The following EPB41L1 variants were observed in gnomAD, a reference collection of about 807,000 sequenced individuals.
The protein encoded by EPB41L1 is band 4.1-like protein 1.
Under a neutral mutation model 97.8 loss-of-function variants are expected in EPB41L1, and 29 were observed. The ratio of observed to expected loss-of-function variants is 0.30; its 90% confidence interval spans 0.22 to 0.40. The LOEUF is 0.40. EPB41L1 is among the 10% of genes least tolerant of loss of function. The pLI, the probability that EPB41L1 is intolerant of heterozygous loss-of-function variation, is 1.00. For missense variants in EPB41L1, 812 were observed against 1,162.3 expected (o/e 0.70, Z 4.38); for synonymous variants, 383 against 459.2 (o/e 0.83, Z 2.12).
intron 1 of EPB41L1, 93 bp from the exon 2 acceptor site, chr20:36,173,671 C>A: frequency 8.6e-7 from 1 of 1,161,120 alleles, no homozygotes; most frequent in Non-Finnish European, 1.3e-6. Flanking sequence ...CGTTTGCCTC[C>A]ATCTGTCTCT....
chr20:36,102,534 A>C (rs904907583), intron 1 of EPB41L1, among the ~76,000 whole-genome samples: 12 of 152,072 alleles, frequency 7.9e-5, no homozygotes, highest in Non-Finnish European at 1.8e-4. Context: ...CAGTTTTCCT[A>C]GCTGTAAAAT....
intron 14 of EPB41L1, chr20:36,205,791 C>A: frequency 1.6e-6 from 2 of 1,237,242 alleles, no homozygotes; most frequent in Non-Finnish European, 2.1e-6. Flanking sequence ...AAAAACTCAC[C>A]CATTCTTCAG....
intron 2 of EPB41L1, among the ~76,000 whole-genome samples, chr20:36,118,631 C>A (rs912673518): frequency 6.6e-6 from 1 of 152,064 alleles, no homozygotes; most frequent in Non-Finnish European, 1.5e-5. Flanking sequence ...TAAAGTGGTA[C>A]ATTTTATGGC....
At chr20:36,094,024 C>T (rs2057753080) in intron 1 of EPB41L1, among the ~76,000 whole-genome samples, 1 of 152,198 alleles carries the variant, frequency 6.6e-6, no homozygotes, top group South Asian at 2.1e-4. Flanking sequence ...GACCTCTCTA[C>T]TTTGAAAGAG....
At chr20:36,145,807 C>A (rs1340050814) in intron 2 of EPB41L1, among the ~76,000 whole-genome samples, 1 of 152,160 alleles carries the variant, frequency 6.6e-6, no homozygotes, top group East Asian at 1.9e-4. Flanking sequence ...CACATTTGGC[C>A]AGTTGCTAGA....
chr20:36,106,722 C>T (rs1033240561), intron 1 of EPB41L1, among the ~76,000 whole-genome samples: 3 of 152,344 alleles, frequency 2.0e-5, no homozygotes, highest in Non-Finnish European at 4.4e-5. Context: ...AGGTCATCAG[C>T]CCAGGCCCTC....
At position 36,197,804 on chromosome 20, in the gene EPB41L1, C is replaced by T. The variant is rs2062283332; in HGVS notation, c.1486-55C>T. The T allele has an allele frequency of 1.9e-6, 3 of 1,613,506 alleles. No homozygotes were observed. In the South Asian group the frequency reaches 3.3e-5, roughly 18 times the overall value. On this transcript the variant is annotated intron_variant, in intron 13 of 21. Transcript: ENST00000338074. Reference sequence around the variant, plus strand: ...CTGCTGCCATCATCCCTGCACCCTGCATCCCCGCTTGGAGCTGTTCCCCTA... The same window carrying T: ...CTGCTGCCATCATCCCTGCACCCTGTATCCCCGCTTGGAGCTGTTCCCCTA...
intron 2 of EPB41L1, among the ~76,000 whole-genome samples, chr20:36,114,587 C>CA (rs2147620533): frequency 6.6e-6 from 1 of 152,236 alleles, no homozygotes; most frequent in Non-Finnish European, 1.5e-5. Context: ...AAACTTAACT[C>CA]AAAGTGGCTT....
intron 3 of EPB41L1, among the ~76,000 whole-genome samples, chr20:36,177,054 A>G (rs1040817795): frequency 1.3e-5 from 2 of 152,124 alleles, no homozygotes; most frequent in African/African-American, 2.4e-5. Context: ...TGCCTGTCCT[A>G]GAAGTGCACA....
intron 2 of EPB41L1, among the ~76,000 whole-genome samples, chr20:36,117,882 C>T (rs1178669910): frequency 4.6e-5 from 7 of 152,252 alleles, no homozygotes; most frequent in Non-Finnish European, 1.0e-4. Context: ...AAGCCTCACT[C>T]ACCACTTCTG....
intron 14 of EPB41L1, among the ~76,000 whole-genome samples, chr20:36,199,588 T>C (rs1436052126): frequency 6.6e-6 from 1 of 152,180 alleles, no homozygotes; most frequent in Non-Finnish European, 1.5e-5. Context: ...TAGGGATGCT[T>C]TGGGGGCCTT....
At chr20:36,196,401 G>A (rs992426485) in intron 13 of EPB41L1, among the ~76,000 whole-genome samples, 6 of 152,174 alleles carry the variant, frequency 3.9e-5, no homozygotes, top group Admixed American at 2.6e-4. Flanking sequence ...GATGGAAGAC[G>A]ACAAGCCACA....
At chr20:36,220,526 A>T (rs773345624) in intron 19 of EPB41L1, among the ~76,000 whole-genome samples, 10 of 152,188 alleles carry the variant, frequency 6.6e-5, no homozygotes, top group Admixed American at 6.5e-4. Context: ...GGCCTCAGGG[A>T]GATTGGAAAG....
upstream of EPB41L1, chr20:36,150,833 T>G (rs1317077551): frequency 6.6e-6 from 1 of 152,268 alleles, no homozygotes; most frequent in Non-Finnish European, 1.5e-5. Context: ...AGAGGCTGTA[T>G]TCAATTCCTC....
chr20:36,107,868 T>C (rs2058252859), intron 1 of EPB41L1, among the ~76,000 whole-genome samples: 1 of 151,938 alleles, frequency 6.6e-6, no homozygotes, highest in Non-Finnish European at 1.5e-5. Context: ...AAGCTAAATA[T>C]CTTATGAATA....
chr20:36,149,653 C>T (rs1292476585), intron 2 of EPB41L1, among the ~76,000 whole-genome samples: 1 of 152,230 alleles, frequency 6.6e-6, no homozygotes, highest in African/African-American at 2.4e-5. Context: ...GCAGCACTTC[C>T]CAGAATGGTG....
rs1005237908 is a variant in EPB41L1 at position 36,198,173 on chromosome 20, G to A, written c.1668+132G>A. 4 of 843,012 alleles carry A rather than the reference G, an allele frequency of 4.7e-6. No individual in the cohort carries two copies. The African/African-American group carries it at 6.7e-5, about 14-fold the overall frequency. 52.2% of individuals were successfully genotyped at this position (843,012 alleles called of 1,614,324 possible). A position where few individuals can be genotyped will look rare whatever the true frequency, so the allele number is the denominator to read the frequency against. On this transcript the variant is annotated intron_variant, in intron 14 of 21. Coordinates refer to ENST00000338074, the MANE Select transcript of EPB41L1 (RefSeq NM_012156.2). ...CTGCTTAGGGGCTGGTGGGGATGGA[G>A]AGGGTGGTAGATTAGGCTGAGGGAG...
At chr20:36,226,674 C>T (rs1375311022) in intron 21 of EPB41L1, among the ~76,000 whole-genome samples, 1 of 152,194 alleles carries the variant, frequency 6.6e-6, no homozygotes, top group Non-Finnish European at 1.5e-5. Context: ...AATAAAAGCT[C>T]ATTATGACTA....
intron 1 of EPB41L1, among the ~76,000 whole-genome samples, chr20:36,162,527 C>G (rs2060575082): frequency 1.3e-5 from 2 of 152,158 alleles, no homozygotes; most frequent in South Asian, 2.1e-4. Context: ...CTCCGTGTGG[C>G]CCTTGTGCAG....
Sources: allele counts gnomAD v4.1 joint callset (sites outside exome capture counted in the v4.1 genomes callset), GRCh38; gene constraint gnomAD v4.1.1; transcripts MANE v1.5; gene names NCBI Gene and HGNC (gene_info 2026-07-23, HGNC 2026-07-21).